CDHR2: variants seen among roughly 807,000 people sequenced by gnomAD.
CDHR2 encodes cadherin related family member 2, also known as cadherin-related family member 2.
In CDHR2, 104 loss-of-function variants were observed where a neutral mutation model predicts 138.6. The ratio of observed to expected loss-of-function variants is 0.75; its 90% CI spans 0.64 to 0.88. The LOEUF is 0.88. Among genes scored for constraint, CDHR2 ranks in the 40% least tolerant of loss-of-function variants. CDHR2 has a pLI of 0.00. For synonymous variants in CDHR2, 755 were observed against 742.8 expected (o/e 1.02, Z -0.27); for missense variants, 1,624 against 1,727.6 (o/e 0.94, Z 1.06).
chr5:176,594,889 G>T (rs771040955), intron 31 of CDHR2, among the ~76,000 whole-genome samples: 25 of 152,218 alleles, frequency 1.6e-4, no homozygotes, highest in Admixed American at 7.2e-4. Flanking sequence ...CGAGGTGGAA[G>T]AGGAAGGGCG....
intron 16 of CDHR2, among the ~76,000 whole-genome samples, chr5:176,579,858 TG>T (rs1400464293): frequency 6.6e-6 from 1 of 152,140 alleles, no homozygotes; most frequent in Non-Finnish European, 1.5e-5. Flanking sequence ...CCACCATTCC[TG>T]CCCCCCAGGC....
At chr5:176,588,605 GCA>G (rs1240229928) in intron 21 of CDHR2, among the ~76,000 whole-genome samples, 43 of 149,578 alleles carry the variant, frequency 2.9e-4, no homozygotes, top group African/African-American at 1.0e-3. Context: ...GAGTGTGTGT[GCA>G]TATGTGTGTA....
At position 176,581,531 on chromosome 5, in the gene CDHR2, C is replaced by A. The variant is rs754631965; in HGVS notation, c.2007C>A (p.Asp669Glu). 13 of 1,614,030 alleles carry A rather than the reference C, an allele frequency of 8.1e-6. No individual in the cohort carries two copies. In the Admixed American group the frequency reaches 2.2e-4, roughly 27 times the overall value. The change falls in exon 17 of 32, where the codon GAC becomes GAA. Residue 669 changes from aspartate (D) to glutamate (E), a missense_variant. Asp to Glu is a conservative substitution (Grantham distance 45, BLOSUM62 2). Coordinates refer to ENST00000261944, the MANE Select transcript of CDHR2 (RefSeq NM_017675.6). ...TTGTGCTGACAGTGCTTGTGTCTGA[C>A]TGCGGCGAGCCTGTCCTCGGCACCA... is the stretch of plus-strand genomic sequence containing the variant. ...GRIVLTVLVS[D>E]CGEPVLGTKV...
At chr5:176,563,009 C>T (rs535583170) in intron 1 of CDHR2, among the ~76,000 whole-genome samples, 2 of 152,240 alleles carry the variant, frequency 1.3e-5, no homozygotes, top group South Asian at 4.1e-4. Flanking sequence ...TTGGTGGGCT[C>T]TTATCAGGAG....
chr5:176,580,295 G>A (rs1246448189), intron 16 of CDHR2, among the ~76,000 whole-genome samples: 2 of 152,076 alleles, frequency 1.3e-5, no homozygotes, highest in Admixed American at 6.6e-5. Context: ...TTGGGAGGCC[G>A]AGGTGGGTGG....
intron 24 of CDHR2, 135 bp from the exon 25 acceptor site, chr5:176,589,943 T>A: frequency 2.7e-6 from 2 of 747,154 alleles, no homozygotes; most frequent in South Asian, 1.6e-5. Context: ...ACAGAGATGC[T>A]ACCTACTCAG....
intron 5 of CDHR2, among the ~76,000 whole-genome samples, chr5:176,570,223 T>A (rs888934702): frequency 4.6e-5 from 7 of 152,350 alleles, no homozygotes; most frequent in African/African-American, 1.7e-4. Context: ...AACGTCTATA[T>A]CTATGGTGGG....
At chr5:176,564,268 T>A (rs1354265319) in intron 1 of CDHR2, among the ~76,000 whole-genome samples, 5 of 152,166 alleles carry the variant, frequency 3.3e-5, no homozygotes, top group Non-Finnish European at 7.4e-5. Context: ...TCACTGCAAC[T>A]TCCGCCTCCC....
intron 24 of CDHR2, among the ~76,000 whole-genome samples, 192 bp downstream of exon 24, chr5:176,589,808 G>T (rs1758798697): frequency 6.6e-6 from 1 of 152,172 alleles, no homozygotes; most frequent in South Asian, 2.1e-4. Context: ...CCAGCCAAGG[G>T]CAGAGGGAAG....
chr5:176,552,582 T>C lies in CDHR2; in HGVS notation c.-16+3168T>C, dbSNP rs570444312. Among the ~76,000 whole-genome samples, 506 of 152,288 alleles carry C rather than the reference T, an allele frequency of 3.3e-3. 5 individuals are homozygous for C. Among genetic ancestry groups the C allele is most frequent in the African/African-American group, 0.011 (473 of 41,546 alleles). On this transcript the variant is annotated intron_variant, in intron 1 of 31. Coordinates refer to ENST00000261944, the MANE Select transcript of CDHR2 (RefSeq NM_017675.6). ...GACCTATCATGGGGAAGGCTTAGCA[T>C]TGGGGCAGGCCGTTATTGCGCCTTC...
rs1037231328 is a variant in CDHR2 at position 176,560,214 on chromosome 5, T to C, written c.-15-5124T>C. On this transcript the variant is annotated intron_variant, in intron 1 of 31. Transcript: ENST00000261944. Reference sequence around the variant, plus strand: ...GAGTTCGAGACCAGCCTGGCCAACATGGTGAAACCCCGTCTCTACTAAAAA... The same window carrying C: ...GAGTTCGAGACCAGCCTGGCCAACACGGTGAAACCCCGTCTCTACTAAAAA... 2.2e-4 allele frequency among the ~76,000 whole-genome samples: 34 copies of C among 152,074 alleles called. 1 individual carries two copies. Among genetic ancestry groups the C allele is most frequent in the Non-Finnish European group, 1.5e-5 (1 of 68,008 alleles).
chr5:176,568,043 C>T (rs776939741), intron 3 of CDHR2, among the ~76,000 whole-genome samples: 22 of 152,316 alleles, frequency 1.4e-4, no homozygotes, highest in Admixed American at 3.3e-4. Context: ...TCCAGGGAAA[C>T]GCATCTTCAT....
At chr5:176,581,254 A>C in intron 16 of CDHR2, 89 bp from the exon 17 acceptor site, 1 of 1,533,162 alleles carries the variant, frequency 6.5e-7, no homozygotes, top group Non-Finnish European at 8.8e-7. Context: ...TGCGTGGGCC[A>C]GCGCTGGAGA....
Position 176,595,610 on chromosome 5 carries a change from G to T in CDHR2, c.3871G>T (p.Ala1291Ser), listed in dbSNP as rs749523542. The T allele has an allele frequency of 6.2e-7, 1 of 1,612,650 alleles. No homozygotes were observed. Among genetic ancestry groups the T allele is most frequent in the South Asian group, 1.1e-5 (1 of 90,938 alleles). The part of the protein sequence containing the change: ...SVVLLGRQAG[A>S]SGQLEGPSYT... ...GGTCCTGTTAGGACGGCAGGCAGGC[G>T]CAAGTGGACAGCTGGAGGGGCCATC... The change falls in exon 32 of 32, where the codon GCA becomes TCA. Residue 1291 changes from alanine to serine, a missense_variant. Coordinates refer to ENST00000261944, the MANE Select transcript of CDHR2 (RefSeq NM_017675.6).
intron 6 of CDHR2, 70 bp downstream of exon 6, chr5:176,571,372 A>C (rs1413713846): frequency 9.7e-6 from 11 of 1,139,312 alleles, no homozygotes; most frequent in African/African-American, 1.6e-5. Context: ...AGGAAGAGCC[A>C]GAGACAGTCA....
chr5:176,568,934 C>T (rs10056130), intron 4 of CDHR2, 26 bp from the exon 5 acceptor site: 1,115,525 of 1,613,034 alleles, frequency 0.69, 393,708 homozygotes, highest in Non-Finnish European at 0.74. Context: ...GGCTCACCAC[C>T]GGCCCCTTCT....
chr5:176,589,479 C>G, intron 23 of CDHR2, 41 bp downstream of exon 23: 1 of 1,612,174 alleles, frequency 6.2e-7, no homozygotes, highest in Non-Finnish European at 8.5e-7. Context: ...CGCCCTCTGC[C>G]AGCCCCCAGG....
At chr5:176,579,489 T>A (rs1232436898) in intron 16 of CDHR2, among the ~76,000 whole-genome samples, 1 of 152,102 alleles carries the variant, frequency 6.6e-6, no homozygotes, top group Non-Finnish European at 1.5e-5. Context: ...TTGGCACTTC[T>A]CCCCTGGTCT....
intron 16 of CDHR2, 121 bp from the exon 17 acceptor site, chr5:176,581,222 G>T: frequency 7.6e-7 from 1 of 1,315,412 alleles, no homozygotes. Flanking sequence ...TGGGCCCAGG[G>T]GCTCCAGGCC....
Sources: gnomAD v4.1 joint callset for allele counts (sites outside exome capture counted in the v4.1 genomes callset) on GRCh38, gnomAD v4.1.1 for gene constraint, MANE v1.5 for transcripts, NCBI Gene and HGNC (gene_info 2026-07-23, HGNC 2026-07-21) for gene names.